MIPOL1: variants seen among roughly 807,000 people sequenced by gnomAD.
MIPOL1 encodes the protein mirror-image polydactyly gene 1 protein.
In MIPOL1, 57 loss-of-function variants were observed where a neutral mutation model predicts 60.9. The ratio of observed to expected loss-of-function variants is 0.94; its 90% CI spans 0.76 to 1.17. MIPOL1 has a LOEUF of 1.17. Among genes scored for constraint, MIPOL1 ranks in the 50% most tolerant of loss-of-function variants. The pLI, the probability that MIPOL1 is intolerant of heterozygous loss-of-function variation, is 0.00. For synonymous variants in MIPOL1, 179 were observed against 168.8 expected, an observed-to-expected ratio of 1.06 and a Z score of -0.47; for missense variants, 551 against 511.6, an observed-to-expected ratio of 1.08 and a Z score of -0.74.
intron 11 of MIPOL1, among the ~76,000 whole-genome samples, chr14:37,441,145 C>T (rs1271146094): frequency 6.6e-6 from 1 of 151,904 alleles, no homozygotes; most frequent in African/African-American, 2.4e-5. Context: ...CTTGCCCTTG[C>T]CAGATGCATA....
intron 1 of MIPOL1, among the ~76,000 whole-genome samples, chr14:37,229,760 G>A (rs1970325382): frequency 6.6e-6 from 1 of 151,852 alleles, no homozygotes; most frequent in Admixed American, 6.6e-5. Context: ...TCAAAAATGG[G>A]GTTTGACTCA....
intron 11 of MIPOL1, among the ~76,000 whole-genome samples, chr14:37,449,442 C>T (rs924602158): frequency 1.3e-5 from 2 of 152,130 alleles, no homozygotes; most frequent in African/African-American, 2.4e-5. Flanking sequence ...AAGTATTCAA[C>T]AAACTGAATG....
chr14:37,382,504 A>C (rs1346126655), intron 10 of MIPOL1, among the ~76,000 whole-genome samples: 2 of 152,088 alleles, frequency 1.3e-5, no homozygotes, highest in Non-Finnish European at 2.9e-5. Flanking sequence ...TTACCAATGT[A>C]GTTTTCATAC....
intron 1 of MIPOL1, among the ~76,000 whole-genome samples, chr14:37,224,772 C>T (rs567327894): frequency 6.6e-6 from 1 of 152,252 alleles, no homozygotes; most frequent in East Asian, 1.9e-4. Flanking sequence ...CTCAACAGTC[C>T]CCCAAAGCCT....
intron 7 of MIPOL1, among the ~76,000 whole-genome samples, chr14:37,297,018 A>G (rs1321653420): frequency 6.6e-6 from 1 of 152,186 alleles, no homozygotes; most frequent in Non-Finnish European, 1.5e-5. Context: ...AGAATTTTAG[A>G]CCAATATCCT....
chr14:37,543,973 A>G (rs2153642685), intron 12 of MIPOL1, among the ~76,000 whole-genome samples: 1 of 152,360 alleles, frequency 6.6e-6, no homozygotes. Flanking sequence ...TAATCAAGAT[A>G]AGAAATACTG....
intron 11 of MIPOL1, among the ~76,000 whole-genome samples, chr14:37,444,759 G>A (rs1372796487): frequency 2.0e-5 from 3 of 152,104 alleles, no homozygotes; most frequent in Non-Finnish European, 4.4e-5. Context: ...TGGGATGCAA[G>A]GCTGGTTCAA....
chr14:37,384,763 G>T (rs1205785509), intron 10 of MIPOL1, among the ~76,000 whole-genome samples: 1 of 151,904 alleles, frequency 6.6e-6, no homozygotes, highest in Non-Finnish European at 1.5e-5. Flanking sequence ...TACTAGTTAG[G>T]TTGTAACTTA....
intron 1 of MIPOL1, among the ~76,000 whole-genome samples, chr14:37,207,573 T>G (rs941162793): frequency 6.6e-6 from 1 of 151,946 alleles, no homozygotes; most frequent in Admixed American, 6.5e-5. Flanking sequence ...TGAGATGGAG[T>G]CTCTCTCTGT....
intron 9 of MIPOL1, among the ~76,000 whole-genome samples, chr14:37,366,273 T>C (rs921852129): frequency 1.3e-5 from 2 of 152,056 alleles, no homozygotes; most frequent in Non-Finnish European, 1.5e-5. Flanking sequence ...TTTCTTCTTT[T>C]TTGCTGTAGG....
At chr14:37,478,896 TA>T (rs747165861) in intron 11 of MIPOL1, among the ~76,000 whole-genome samples, 44 of 150,152 alleles carry the variant, frequency 2.9e-4, no homozygotes, top group African/African-American at 5.4e-4. Context: ...TCAAAAACTG[TA>T]AAAAAAAAGA....
At chr14:37,325,719 T>TA (rs1234885833) in intron 9 of MIPOL1, among the ~76,000 whole-genome samples, 1 of 152,144 alleles carries the variant, frequency 6.6e-6, no homozygotes, top group African/African-American at 2.4e-5. Context: ...TAGGAATAGA[T>TA]ATATGACATG....
intron 6 of MIPOL1, among the ~76,000 whole-genome samples, chr14:37,272,046 C>G (rs925470308): frequency 2.0e-5 from 3 of 151,242 alleles, no homozygotes; most frequent in Admixed American, 2.0e-4. Flanking sequence ...ATCAGGCATT[C>G]ATAACATGGA....
intron 11 of MIPOL1, among the ~76,000 whole-genome samples, chr14:37,454,479 T>G (rs1224585508): frequency 6.6e-6 from 1 of 152,228 alleles, no homozygotes; most frequent in African/African-American, 2.4e-5. Context: ...ATAAGCAGTA[T>G]TATCTGTCTT....
intron 12 of MIPOL1, among the ~76,000 whole-genome samples, chr14:37,512,806 A>G (rs1022697424): frequency 1.2e-4 from 18 of 152,272 alleles, no homozygotes; most frequent in African/African-American, 4.3e-4. Context: ...GAAGGTATAA[A>G]TCAATATTTT....
intron 12 of MIPOL1, among the ~76,000 whole-genome samples, chr14:37,521,225 C>G (rs1459293637): frequency 8.5e-6 from 1 of 117,208 alleles, no homozygotes; most frequent in Non-Finnish European, 1.7e-5. Context: ...GTGTGAGCCA[C>G]TGCGCCCAGC....
chr14:37,320,651 G>T (rs1003186938), intron 9 of MIPOL1, among the ~76,000 whole-genome samples: 1 of 151,852 alleles, frequency 6.6e-6, no homozygotes, highest in Non-Finnish European at 1.5e-5. Flanking sequence ...AATGCATTTT[G>T]TATCCTGTTT....
At chr14:37,200,533 G>C (rs1168372523) in intron 1 of MIPOL1, among the ~76,000 whole-genome samples, 1 of 152,146 alleles carries the variant, frequency 6.6e-6, no homozygotes, top group Non-Finnish European at 1.5e-5. Context: ...TCTCTAGTTA[G>C]AAGTTGTTTG....
intron 8 of MIPOL1, 60 bp from the exon 9 acceptor site, chr14:37,308,289 C>G (rs564224076): frequency 1.5e-6 from 2 of 1,357,764 alleles, no homozygotes; most frequent in Non-Finnish European, 2.0e-6. Context: ...AATTAAAACC[C>G]TATATTAAAT....
Sources: gnomAD v4.1 joint callset for allele counts (sites outside exome capture counted in the v4.1 genomes callset) on GRCh38, gnomAD v4.1.1 for gene constraint, MANE v1.5 for transcripts, NCBI Gene and HGNC (gene_info 2026-07-23, HGNC 2026-07-21) for gene names.